Variants in SLC26A11 observed in about 807,000 individuals in gnomAD.
SLC26A11 encodes solute carrier family 26 member 11, also known as sodium-independent sulfate anion transporter.
A neutral mutation model predicts 62.2 loss-of-function variants in SLC26A11; 58 were observed. The ratio of observed to expected loss-of-function variants is 0.93; its 90% CI spans 0.76 to 1.16. The LOEUF (loss-of-function observed/expected upper bound fraction) is 1.16, where lower values mean the gene tolerates loss of function less well. Among genes scored for constraint, SLC26A11 ranks in the 50% most tolerant of loss-of-function variants. SLC26A11 has a pLI of 0.00. For missense variants in SLC26A11, 790 were observed against 794.3 expected, an observed-to-expected ratio of 0.99 and a Z score of 0.06; for synonymous variants, 411 against 368.9, an observed-to-expected ratio of 1.11 and a Z score of -1.31.
In SLC26A11 at chr17:80,228,157, G is replaced by C. The variant is rs1304247518; in HGVS notation, c.736+197G>C. 2.0e-5 allele frequency among the ~76,000 whole-genome samples: 3 copies of C among 152,124 alleles called. No individual in the cohort carries two copies. The highest frequency in any genetic ancestry group is 4.4e-5 in the Non-Finnish European group (3 of 68,026). ...AATTAATTAATTATTTTTTGAGACA[G>C]AGTTTCGCTCTGTCGCCCAGGCTGG... On this transcript the variant is annotated intron_variant, in intron 7 of 17. Transcript: ENST00000361193. The surrounding 1 kb of genome is among the most constrained non-coding windows in gnomAD (Gnocchi z 4.1).
rs570968200 is a variant in SLC26A11 at position 80,228,622 on chromosome 17, C to T, written c.736+662C>T. ...GGGCGAGGCAGTTGCTGGCAACTAG[C>T]GAGGAGGGGCCAGGAATGCCACTAA... On this transcript the variant is annotated intron_variant, in intron 7 of 17. Coordinates refer to ENST00000361193, the MANE Select transcript of SLC26A11 (RefSeq NM_001166347.2). This position sits in a 1 kb window ranked among gnomAD's most constrained non-coding sequence, Gnocchi z 4.1. Among the ~76,000 whole-genome samples the T allele has an allele frequency of 3.3e-5, 5 of 152,282 alleles. No homozygotes were observed. The highest frequency in any genetic ancestry group is 4.8e-5 in the African/African-American group (2 of 41,554).
Position 80,252,685 on chromosome 17 carries a change from T to C in SLC26A11, c.1790T>C (p.Leu597Pro). 1 of 1,614,014 alleles carries C rather than the reference T, an allele frequency of 6.2e-7. No individual in the cohort carries two copies. Among genetic ancestry groups the C allele is most frequent in the Non-Finnish European group, 8.5e-7 (1 of 1,179,988 alleles). ...QPYNIREDSI[L>P]DQKVALLKA ...TACAACATCAGAGAAGACTCCATTC[T>C]GGACCAAAAGGTTGCCCTGCTCAAG... Residue 597 changes from leucine to proline, a missense_variant, in exon 18 of 18, where the codon CTG (leucine) becomes CCG (proline). Physicochemically the swap from Leu to Pro is moderately conservative, Grantham distance 98 (BLOSUM62 -3). Transcript: ENST00000361193. This position sits in a 1 kb window ranked among gnomAD's most constrained non-coding sequence, Gnocchi z 5.2.
intron 7 of SLC26A11, among the ~76,000 whole-genome samples, chr17:80,232,911 C>T (rs1405816432): frequency 6.6e-6 from 1 of 152,052 alleles, no homozygotes; most frequent in Non-Finnish European, 1.5e-5. Flanking sequence ...ACATCTTTAT[C>T]TTGCTACAGT....
intron 9 of SLC26A11, among the ~76,000 whole-genome samples, chr17:80,241,126 A>C (rs2042848340): frequency 1.3e-5 from 2 of 152,236 alleles, no homozygotes; most frequent in Admixed American, 1.3e-4. Flanking sequence ...TGAAAGTTTT[A>C]ATTTAATTGG....
At chr17:80,236,661 C>T (rs558204971) in intron 7 of SLC26A11, 8 of 413,596 alleles carry the variant, frequency 1.9e-5, no homozygotes, top group South Asian at 5.3e-5. Context: ...GAGTCTTTGC[C>T]GCGGTGCACG....
chr17:80,246,572 C>T lies in SLC26A11; in HGVS notation c.1217C>T (p.Ala406Val), dbSNP rs773501651. The change falls in exon 13 of 18, where the codon GCC becomes GTC. Residue 406 changes from alanine (A) to valine (V), a missense_variant. Transcript: ENST00000361193. The surrounding 1 kb of genome is among the most constrained non-coding windows in gnomAD (Gnocchi z 4.4). ...TSLFYYIPKS[A>V]LAAVIIMAVA... ...CTGTTCTACTACATCCCCAAGTCTG[C>T]CCTGGCTGCCGTCATCATCATGGCC... 19 of 1,613,802 alleles carry T rather than the reference C, an allele frequency of 1.2e-5. No homozygotes were observed. Among genetic ancestry groups the T allele is most frequent in the Non-Finnish European group, 1.6e-5 (19 of 1,180,042 alleles).
intron 16 of SLC26A11, 81 bp downstream of exon 16, chr17:80,249,368 A>G (rs568722178): frequency 6.4e-7 from 1 of 1,553,900 alleles, no homozygotes; most frequent in African/African-American, 1.4e-5. Flanking sequence ...CGAATGTGAC[A>G]TCTCTGGGCT....
Position 80,223,469 on chromosome 17 carries a change from A to T in SLC26A11, c.513+132A>T. On this transcript the variant is annotated intron_variant, in intron 5 of 17. Transcript: ENST00000361193. This position sits in a 1 kb window ranked among gnomAD's most constrained non-coding sequence, Gnocchi z 4.6. The stretch of plus-strand genomic sequence containing the variant: ...GTCTTGCTGTTTCAGATTGTCTTCC[A>T]TGGGTCAAGAAGCACGCGGTGCTCT... 1.2e-6 allele frequency: 1 copy of T among 838,744 alleles called. No homozygotes were observed. Among genetic ancestry groups the T allele is most frequent in the African/African-American group, 1.7e-5 (1 of 59,266 alleles). The allele number at this position is 838,744 out of a possible 1,614,324, so 52.0% of individuals were successfully genotyped here. A position where few individuals can be genotyped will look rare whatever the true frequency, so the allele number is the denominator to read the frequency against.
intron 5 of SLC26A11, among the ~76,000 whole-genome samples, chr17:80,224,198 T>TATGA (rs1369003168): frequency 5.0e-4 from 62 of 123,618 alleles, no homozygotes; most frequent in African/African-American, 1.3e-3. Context: ...TATGAGTGTG[T>TATGA]GTGAGTGTGT....
At chr17:80,225,705 C>T in intron 5 of SLC26A11, 132 bp from the exon 6 acceptor site, 3 of 779,484 alleles carry the variant, frequency 3.8e-6, no homozygotes, top group Non-Finnish European at 6.4e-6. Context: ...CTAAGATGGG[C>T]CCCGGGAATA....
At chr17:80,232,483 G>C (rs1408641517) in intron 7 of SLC26A11, among the ~76,000 whole-genome samples, 1 of 152,078 alleles carries the variant, frequency 6.6e-6, no homozygotes, top group African/African-American at 2.4e-5. Context: ...TCAAATTCTT[G>C]GCCTCAAGTG....
chr17:80,222,527 G>T lies in SLC26A11; in HGVS notation c.235-128G>T. 1.0e-6 allele frequency: 1 copy of T among 957,128 alleles called. No homozygotes were observed. Among genetic ancestry groups the T allele is most frequent in the East Asian group, 2.5e-5 (1 of 40,004 alleles). The allele number at this position is 957,128 out of a possible 1,614,324, so 59.3% of individuals were successfully genotyped here. A position where few individuals can be genotyped will look rare whatever the true frequency, so the allele number is the denominator to read the frequency against. ...CACTGCAGGTCCACCCACAGGGCAG[G>T]GCGGTGCACCTTTAACCTGGGCCTG... On this transcript the variant is annotated intron_variant, in intron 3 of 17. Coordinates refer to ENST00000361193, the MANE Select transcript of SLC26A11 (RefSeq NM_001166347.2). This position sits in a 1 kb window ranked among gnomAD's most constrained non-coding sequence, Gnocchi z 4.7.
At chr17:80,244,662 C>A (rs1336017832) in intron 10 of SLC26A11, among the ~76,000 whole-genome samples, 2 of 152,056 alleles carry the variant, frequency 1.3e-5, no homozygotes, top group Non-Finnish European at 2.9e-5. Flanking sequence ...GCCAGCATGG[C>A]AAAACCCTGT....
At chr17:80,226,288 AAGG>A (rs1359954152) in intron 6 of SLC26A11, among the ~76,000 whole-genome samples, 18 of 152,098 alleles carry the variant, frequency 1.2e-4, no homozygotes, top group Admixed American at 1.2e-3. Context: ...GTGATTTGTT[AAGG>A]AGGAGAACAC....
At position 80,245,601 on chromosome 17, in the gene SLC26A11, A is replaced by G. The variant is rs556674538; in HGVS notation, c.1097+345A>G. Among the ~76,000 whole-genome samples the G allele has an allele frequency of 2.7e-4, 41 of 152,296 alleles. No homozygotes were observed. In the South Asian group the frequency reaches 8.1e-3, roughly 30 times the overall value. On this transcript the variant is annotated intron_variant, in intron 11 of 17. Coordinates refer to ENST00000361193, the MANE Select transcript of SLC26A11 (RefSeq NM_001166347.2). ...CGCTGCACTCCAGCCTGGGCAACAGAGCGAGACCCTGTCTCTAAAATAAAT... is the reference window on the plus strand; with the variant it reads ...CGCTGCACTCCAGCCTGGGCAACAGGGCGAGACCCTGTCTCTAAAATAAAT...
chr17:80,235,530 A>AT (rs2042670013), intron 7 of SLC26A11, among the ~76,000 whole-genome samples: 1 of 151,934 alleles, frequency 6.6e-6, no homozygotes, highest in Non-Finnish European at 1.5e-5. Flanking sequence ...CTAATTTTTT[A>AT]TTTTTTGTGG....
intron 17 of SLC26A11, 55 bp downstream of exon 17, chr17:80,251,456 C>G: frequency 1.9e-6 from 3 of 1,606,192 alleles, no homozygotes; most frequent in Non-Finnish European, 2.6e-6. Flanking sequence ...ATCATAAATG[C>G]TTATTGTAAA....
intron 7 of SLC26A11, among the ~76,000 whole-genome samples, chr17:80,230,256 A>G (rs1188233310): frequency 6.6e-6 from 1 of 151,340 alleles, no homozygotes; most frequent in East Asian, 1.9e-4. Context: ...TTTTTCAGAG[A>G]CTTGTTTTGT....
rs1425248224 is a variant in SLC26A11 at position 80,223,998 on chromosome 17, T to C, written c.513+661T>C. Reference sequence around the variant, plus strand: ...TCAGTGGGGTGTGTGTGGAGTGAAGTGAGCCCAATTCCACAGATGGGACCA... The same window carrying C: ...TCAGTGGGGTGTGTGTGGAGTGAAGCGAGCCCAATTCCACAGATGGGACCA... On this transcript the variant is annotated intron_variant, in intron 5 of 17. Coordinates refer to ENST00000361193, the MANE Select transcript of SLC26A11 (RefSeq NM_001166347.2). The surrounding 1 kb of genome is among the most constrained non-coding windows in gnomAD (Gnocchi z 4.6). Among the ~76,000 whole-genome samples the C allele has an allele frequency of 2.0e-5, 3 of 152,032 alleles. No individual in the cohort carries two copies. The highest frequency in any genetic ancestry group is 4.4e-5 in the Non-Finnish European group (3 of 68,004).
Sources: allele counts gnomAD v4.1 joint callset (sites outside exome capture counted in the v4.1 genomes callset), GRCh38; gene constraint gnomAD v4.1.1; non-coding constraint Gnocchi (gnomAD v3.1); transcripts MANE v1.5; gene names NCBI Gene and HGNC (gene_info 2026-07-23, HGNC 2026-07-21).